The following ATAD5 variants were observed in gnomAD, a reference collection of about 807,000 sequenced individuals.
ATAD5 encodes ATPase family AAA domain containing 5.
Under a neutral mutation model 176.9 loss-of-function variants are expected in ATAD5, and 58 were observed. The ratio of observed to expected loss-of-function variants is 0.33; its 90% CI spans 0.27 to 0.41. The LOEUF is 0.41. ATAD5 is among the 10% of genes least tolerant of loss of function. ATAD5 has a pLI of 1.00. For synonymous variants in ATAD5, 640 were observed against 712.6 expected (o/e 0.90, Z 1.62); for missense variants, 1,789 against 2,094.1 (o/e 0.85, Z 2.84).
Position 30,832,214 on chromosome 17 carries a change from C to T in ATAD5, c.-134C>T, listed in dbSNP as rs910672739. On this transcript the variant is annotated 5_prime_UTR_variant, in exon 1 of 23. Coordinates refer to ENST00000321990, the MANE Select transcript of ATAD5 (RefSeq NM_024857.5). ...CGCTCCCGCTCTCTGTCGGTGGGCGCGGGGGAATCCGAAACGGCTCAGCAG... is the reference window on the plus strand; with the variant it reads ...CGCTCCCGCTCTCTGTCGGTGGGCGTGGGGGAATCCGAAACGGCTCAGCAG... 3.2e-6 allele frequency: 2 copies of T among 618,708 alleles called. No individual in the cohort carries two copies. Among genetic ancestry groups the T allele is most frequent in the Non-Finnish European group, 5.0e-6 (2 of 398,698 alleles). 38.3% of individuals were successfully genotyped at this position (618,708 alleles called of 1,614,324 possible).
At chr17:30,890,173 G>A (rs2142451449) in intron 19 of ATAD5, among the ~76,000 whole-genome samples, 1 of 151,914 alleles carries the variant, frequency 6.6e-6, no homozygotes, top group South Asian at 2.1e-4. Context: ...ATAGGCATGA[G>A]CCACCTCACC....
chr17:30,844,383 G>C (rs1190595433), intron 5 of ATAD5, among the ~76,000 whole-genome samples: 1 of 151,960 alleles, frequency 6.6e-6, no homozygotes, highest in Non-Finnish European at 1.5e-5. Flanking sequence ...TGCCTGTCTT[G>C]GCTTCCCAAA....
At position 30,869,751 on chromosome 17, in the gene ATAD5, C is replaced by T. The variant is rs933822930; in HGVS notation, c.3607+105C>T. On this transcript the variant is annotated intron_variant, in intron 14 of 22. Coordinates refer to ENST00000321990, the MANE Select transcript of ATAD5 (RefSeq NM_024857.5). ...TGCCATTTATTTTTTATCTTCTACA[C>T]GTACACGTTTCCTGCCCACCCCTGC... 8.5e-5 allele frequency: 107 copies of T among 1,265,802 alleles called. No individual in the cohort carries two copies. The East Asian group carries it at 1.6e-3, about 19-fold the overall frequency. 78.4% of individuals were successfully genotyped at this position (1,265,802 alleles called of 1,614,324 possible). A position where few individuals can be genotyped will look rare whatever the true frequency, so the allele number is the denominator to read the frequency against.
chr17:30,864,395 A>G (rs1258927234), intron 10 of ATAD5: 1 of 152,224 alleles, frequency 6.6e-6, no homozygotes, highest in Non-Finnish European at 1.5e-5. Flanking sequence ...GGTTTGTTAC[A>G]TGGATACATT....
At chr17:30,839,378 G>A (rs1198603202) in intron 3 of ATAD5, among the ~76,000 whole-genome samples, 2 of 148,866 alleles carry the variant, frequency 1.3e-5, no homozygotes, top group African/African-American at 5.0e-5. Context: ...TCTGCTTCAC[G>A]CCATTCTCCT....
In ATAD5 at chr17:30,834,448, C is replaced by T; in HGVS notation, c.367C>T (p.Leu123=). ...KRKRVNLSHQ[L]NNIKTENEAP... is the part of the protein sequence containing the mutation. ...AAAGAGGGTTAATTTATCTCATCAA[C>T]TAAATAATATTAAAACTGAAAATGA... The change falls in exon 2 of 23, where the codon CTA becomes TTA. Residue 123 remains leucine (L), a synonymous_variant. Transcript: ENST00000321990. 6.3e-7 allele frequency: 1 copy of T among 1,592,534 alleles called. No homozygotes were observed. The highest frequency in any genetic ancestry group is 8.5e-7 in the Non-Finnish European group (1 of 1,170,836).
intron 16 of ATAD5, 151 bp downstream of exon 16, chr17:30,877,700 C>A: frequency 1.3e-6 from 1 of 797,284 alleles, no homozygotes; most frequent in Non-Finnish European, 2.0e-6. Context: ...AAACTGTCCA[C>A]TCTAGAATAA....
At chr17:30,857,822 C>G (rs1185728975) in intron 8 of ATAD5, among the ~76,000 whole-genome samples, 1 of 150,468 alleles carries the variant, frequency 6.6e-6, no homozygotes, top group African/African-American at 2.4e-5. Context: ...CTCACTGCAA[C>G]CTCTGCCTCC....
Position 30,855,219 on chromosome 17 carries a change from C to G in ATAD5, c.2527C>G (p.Pro843Ala). The change falls in exon 7 of 23, where the codon CCA (proline) becomes GCA (alanine). Residue 843 changes from proline (P) to alanine (A), a missense_variant. Pro to Ala is a conservative substitution (Grantham distance 27). This residue lies in a region of ATAD5 where 487 missense variants were observed against 573.6 expected (regional missense o/e 0.85). Transcript: ENST00000321990. ...GCGTGACTTCCTAATGAGTGGTTTG[C>G]CAGATTTGTTGAAACGGCAAATTGC... is the stretch of plus-strand genomic sequence containing the variant. ...AKRDFLMSGL[P>A]DLLKRQIAKK... is the part of the protein sequence containing the mutation. 1 of 1,613,980 alleles carries G rather than the reference C, an allele frequency of 6.2e-7. No homozygotes were observed. Among genetic ancestry groups the G allele is most frequent in the Non-Finnish European group, 8.5e-7 (1 of 1,179,978 alleles).
At chr17:30,847,095 CAAAAA>C (rs897451546) in intron 6 of ATAD5, among the ~76,000 whole-genome samples, 2 of 151,692 alleles carry the variant, frequency 1.3e-5, no homozygotes, top group Non-Finnish European at 2.9e-5. Context: ...TCATCACTCT[CAAAAA>C]AAAGTCTTCT....
chr17:30,876,312 T>G (rs1908673945), intron 14 of ATAD5, 62 bp from the exon 15 acceptor site: 2 of 1,417,844 alleles, frequency 1.4e-6, no homozygotes, highest in Admixed American at 2.5e-5. Flanking sequence ...TGTGGCTAAC[T>G]GTCTTGCTAC....
At chr17:30,853,400 T>A (rs1907089860) in intron 6 of ATAD5, among the ~76,000 whole-genome samples, 1 of 151,942 alleles carries the variant, frequency 6.6e-6, no homozygotes, top group Admixed American at 6.6e-5. Flanking sequence ...ACCTACCTTC[T>A]GCTATAGAGA....
chr17:30,891,508 A>G (rs1598002019), intron 19 of ATAD5, among the ~76,000 whole-genome samples: 2 of 141,866 alleles, frequency 1.4e-5, no homozygotes, highest in Admixed American at 7.2e-5. Context: ...AGTAGCTGGG[A>G]TTACAGGCAC....
intron 18 of ATAD5, among the ~76,000 whole-genome samples, chr17:30,880,705 CT>C (rs539698214): frequency 2.0e-5 from 3 of 150,850 alleles, no homozygotes; most frequent in African/African-American, 4.8e-5. Flanking sequence ...GATTATTTCT[CT>C]TTTTTTTGCT....
chr17:30,879,350 A>G (rs912312894), intron 17 of ATAD5, 73 bp from the exon 18 acceptor site: 8 of 1,531,896 alleles, frequency 5.2e-6, no homozygotes, highest in East Asian at 4.5e-5. Flanking sequence ...ATAGAAAAGT[A>G]TAACTTGAAA....
At chr17:30,872,802 C>T (rs560127109) in intron 14 of ATAD5, among the ~76,000 whole-genome samples, 2 of 152,136 alleles carry the variant, frequency 1.3e-5, no homozygotes, top group Admixed American at 6.5e-5. Context: ...GTGATCTGCC[C>T]GCCTCGGTCT....
In ATAD5 at chr17:30,894,494, C is replaced by T. The variant is rs1013246217; in HGVS notation, c.5298-70C>T. On this transcript the variant is annotated intron_variant, in intron 21 of 22. Transcript: ENST00000321990. Reference sequence around the variant, plus strand: ...CTAGACCAGAGGCAAGGAAACTAAACTGGTTGTGATTGGGATTACTGCATT... The same window carrying T: ...CTAGACCAGAGGCAAGGAAACTAAATTGGTTGTGATTGGGATTACTGCATT... 48 of 1,461,436 alleles carry T rather than the reference C, an allele frequency of 3.3e-5. No individual in the cohort carries two copies. In the African/African-American group the frequency reaches 6.2e-4, roughly 19 times the overall value. The allele number at this position is 1,461,436 out of a possible 1,614,324, so 90.5% of individuals were successfully genotyped here.
intron 6 of ATAD5, among the ~76,000 whole-genome samples, chr17:30,852,861 T>G (rs945661961): frequency 3.3e-5 from 5 of 151,708 alleles, no homozygotes; most frequent in Non-Finnish European, 5.9e-5. Flanking sequence ...CACCTAGGCC[T>G]GCCTCCAACA....
chr17:30,879,813 C>T (rs1195467653), intron 18 of ATAD5, among the ~76,000 whole-genome samples: 1 of 152,004 alleles, frequency 6.6e-6, no homozygotes, highest in Non-Finnish European at 1.5e-5. Flanking sequence ...CTGCCCGCCT[C>T]GGCCTCCCAA....
Sources: allele counts gnomAD v4.1 joint callset (sites outside exome capture counted in the v4.1 genomes callset), GRCh38; gene constraint gnomAD v4.1.1; regional missense constraint gnomAD v4.1.1; transcripts MANE v1.5; gene names NCBI Gene and HGNC (gene_info 2026-07-23, HGNC 2026-07-21).